The following GUCY2C variants were observed in gnomAD, a reference collection of about 807,000 sequenced individuals.
GUCY2C encodes the protein guanylyl cyclase C.
GUCY2C carries 118 observed loss-of-function variants against 131.1 expected under a neutral mutation model. The observed-to-expected ratio is 0.90, with a 90% confidence interval of 0.78 to 1.05. The LOEUF is 1.05. Among genes scored for constraint, GUCY2C ranks in the 50% least tolerant of loss-of-function variants. GUCY2C has a pLI of 0.00. For synonymous variants in GUCY2C, 452 were observed against 457.8 expected (o/e 0.99, Z 0.16); for missense variants, 1,161 against 1,304.4 (o/e 0.89, Z 1.69).
At chr12:14,682,744 A>T (rs1376676457) in intron 4 of GUCY2C, among the ~76,000 whole-genome samples, 2 of 152,182 alleles carry the variant, frequency 1.3e-5, no homozygotes, top group African/African-American at 4.8e-5. Flanking sequence ...TAAAATAGGG[A>T]TCCTATTACT....
At position 14,696,439 on chromosome 12, in the gene GUCY2C, A is replaced by T; in HGVS notation, c.10T>A (p.Leu4Met). 6.2e-7 allele frequency: 1 copy of T among 1,613,412 alleles called. No individual in the cohort carries two copies. The highest frequency in any genetic ancestry group is 8.5e-7 in the Non-Finnish European group (1 of 1,179,634). The change falls in exon 1 of 27, where the codon TTG (leucine) becomes ATG (methionine). Residue 4 changes from leucine (L) to methionine (M), a missense_variant. Transcript: ENST00000261170. MKT[L>M]LLDLALWSLL... ...GACCACAAAGCCAAGTCCAACAGCA[A>T]CGTCTTCATGACCCCAATCACGTTA...
At chr12:14,638,181 A>T (rs988154212) in intron 19 of GUCY2C, among the ~76,000 whole-genome samples, 1 of 152,236 alleles carries the variant, frequency 6.6e-6, no homozygotes, top group East Asian at 1.9e-4. Flanking sequence ...ATCTTACCCC[A>T]GTTAGAATGG....
intron 18 of GUCY2C, 28 bp downstream of exon 18, chr12:14,641,054 G>A: frequency 1.2e-6 from 2 of 1,609,154 alleles, no homozygotes; most frequent in Non-Finnish European, 1.7e-6. Context: ...CACTCCCAGA[G>A]GGGACACATG....
At chr12:14,638,175 T>G (rs1947312787) in intron 19 of GUCY2C, among the ~76,000 whole-genome samples, 1 of 152,182 alleles carries the variant, frequency 6.6e-6, no homozygotes, top group African/African-American at 2.4e-5. Flanking sequence ...GCTATCATCT[T>G]ACCCCAGTTA....
In GUCY2C at chr12:14,644,190, A is replaced by G. The variant is rs891586056; in HGVS notation, c.1798-484T>C. On this transcript the variant is annotated intron_variant, in intron 16 of 26. Coordinates refer to ENST00000261170, the MANE Select transcript of GUCY2C (RefSeq NM_004963.4). ...GCAATGTTTCATTCATTCTGTTTCA[A>G]AAGGGGAAGCCTGGCCCCCGTGATG... 1.5e-4 allele frequency among the ~76,000 whole-genome samples: 9 copies of G among 61,720 alleles called. No individual in the cohort carries two copies. In the East Asian group the frequency reaches 5.3e-3, roughly 36 times the overall value. The allele number at this position is 61,720 out of a possible 152,430, so 40.5% of individuals were successfully genotyped here.
At chr12:14,652,058 C>A (rs1291692592) in intron 13 of GUCY2C, 28 bp from the exon 14 acceptor site, 1 of 1,373,850 alleles carries the variant, frequency 7.3e-7, no homozygotes, top group South Asian at 1.2e-5. Context: ...ATTTAGGAGA[C>A]AGTGTTGTGG....
chr12:14,675,485 G>A (rs1948214621), intron 7 of GUCY2C, among the ~76,000 whole-genome samples: 1 of 152,128 alleles, frequency 6.6e-6, no homozygotes, highest in Non-Finnish European at 1.5e-5. Context: ...AAGTGCAAAA[G>A]AGAAACCCAA....
chr12:14,686,241 C>T lies in GUCY2C; in HGVS notation c.331-16G>A, dbSNP rs750405314. ...GTTGTGCATTCTGTAGGAGAGAAAA[C>T]AACAATGAATTCCTAGAACTAAGAA... On this transcript the variant is annotated splice_polypyrimidine_tract_variant and intron_variant, in intron 2 of 26. Coordinates refer to ENST00000261170, the MANE Select transcript of GUCY2C (RefSeq NM_004963.4). The T allele has an allele frequency of 6.3e-7, 1 of 1,575,734 alleles. No homozygotes were observed. Among genetic ancestry groups the T allele is most frequent in the Non-Finnish European group, 8.7e-7 (1 of 1,145,474 alleles).
At position 14,686,208 on chromosome 12, in the gene GUCY2C, GC is replaced by G. The variant is rs1948466927; in HGVS notation, c.347del (p.Gly116AlafsTer5). The G allele has an allele frequency of 1.9e-6, 3 of 1,607,010 alleles. No homozygotes were observed. The highest frequency in any genetic ancestry group is 1.7e-6 in the Non-Finnish European group (2 of 1,173,586). ...LRKISNAQRM[G>X]CVLIGPSCTY... Reference sequence around the variant, plus strand: ...TACATGAGGGCCCTATGAGGACACAGCCCATCCGTTGTGCATTCTGTAGGAG... The same window carrying G: ...TACATGAGGGCCCTATGAGGACACAGCCATCCGTTGTGCATTCTGTAGGAG... On this transcript the variant is annotated frameshift_variant, in exon 3 of 27. Coordinates refer to ENST00000261170, the MANE Select transcript of GUCY2C (RefSeq NM_004963.4). LOFTEE classifies it high-confidence loss of function.
intron 7 of GUCY2C, among the ~76,000 whole-genome samples, chr12:14,675,851 A>G (rs956737728): frequency 1.3e-5 from 2 of 152,220 alleles, no homozygotes; most frequent in Non-Finnish European, 2.9e-5. Flanking sequence ...TCAGAATTAT[A>G]TTTGCTGGAA....
intron 11 of GUCY2C, among the ~76,000 whole-genome samples, chr12:14,658,730 G>A (rs1019106564): frequency 6.6e-6 from 1 of 151,944 alleles, no homozygotes; most frequent in Non-Finnish European, 1.5e-5. Context: ...TCTAAGTTTT[G>A]AAGCTTGATT....
chr12:14,685,358 A>G, intron 3 of GUCY2C, among the ~76,000 whole-genome samples: 1 of 152,176 alleles, frequency 6.6e-6, no homozygotes, highest in East Asian at 1.9e-4. Flanking sequence ...GTGAGGTGAC[A>G]AAAGCAAACT....
intron 7 of GUCY2C, among the ~76,000 whole-genome samples, chr12:14,675,207 C>CAAAAAAAAAAAAAAAAAAAAAAA (rs35870014): frequency 2.9e-5 from 1 of 34,788 alleles, no homozygotes; most frequent in Non-Finnish European, 5.2e-5. Flanking sequence ...AACTCCATCT[C>CAAAAAAAAAAAAAAAAAAAAAAA]AAAAAAAAAA....
intron 19 of GUCY2C, among the ~76,000 whole-genome samples, chr12:14,631,762 G>A (rs1465681298): frequency 7.4e-5 from 11 of 148,880 alleles, no homozygotes; most frequent in African/African-American, 2.5e-4. Context: ...GGGATGGCTG[G>A]GTCAAATGGT....
At chr12:14,650,771 G>C (rs556037166) in intron 15 of GUCY2C, among the ~76,000 whole-genome samples, 5 of 152,260 alleles carry the variant, frequency 3.3e-5, no homozygotes, top group African/African-American at 1.2e-4. Context: ...GAATTTCATA[G>C]GGATTAATCC....
At chr12:14,643,983 T>C (rs1402031744) in intron 16 of GUCY2C, among the ~76,000 whole-genome samples, 4 of 152,108 alleles carry the variant, frequency 2.6e-5, no homozygotes, top group African/African-American at 9.7e-5. Flanking sequence ...AGGCAAAGGG[T>C]TGATTTTTTT....
Position 14,651,947 on chromosome 12 carries a change from A to G in GUCY2C, c.1605+12T>C, listed in dbSNP as rs780873921. On this transcript the variant is annotated intron_variant, in intron 14 of 26. Coordinates refer to ENST00000261170, the MANE Select transcript of GUCY2C (RefSeq NM_004963.4). The stretch of plus-strand genomic sequence containing the variant: ...AGTTATTTCTCAAGGGTTTGAAGTA[A>G]GGGCTACATACCTTGTTCAATTCTA... The G allele has an allele frequency of 2.8e-6, 4 of 1,440,438 alleles. No homozygotes were observed. The South Asian group carries it at 3.5e-5, about 13-fold the overall frequency. 89.2% of individuals were successfully genotyped at this position (1,440,438 alleles called of 1,614,324 possible).
intron 21 of GUCY2C, among the ~76,000 whole-genome samples, chr12:14,625,208 G>A (rs1020615630): frequency 3.9e-5 from 6 of 152,168 alleles, no homozygotes; most frequent in Admixed American, 2.6e-4. Flanking sequence ...TACTAAAGGA[G>A]ATCAGGGGCT....
chr12:14,685,191 C>T (rs543333875), intron 3 of GUCY2C, among the ~76,000 whole-genome samples: 3 of 152,166 alleles, frequency 2.0e-5, no homozygotes, highest in Admixed American at 2.0e-4. Flanking sequence ...TTTGAGCATA[C>T]TCTGTAGCAA....
Sources: allele counts gnomAD v4.1 joint callset (sites outside exome capture counted in the v4.1 genomes callset), GRCh38; gene constraint gnomAD v4.1.1; transcripts MANE v1.5; gene names NCBI Gene and HGNC (gene_info 2026-07-23, HGNC 2026-07-21).